The following TMEM117 variants were observed in gnomAD, a reference collection of about 807,000 sequenced individuals.
TMEM117 encodes transmembrane protein 117.
TMEM117 carries 27 observed loss-of-function variants against 52.4 expected under a neutral mutation model. The ratio of observed to expected loss-of-function variants is 0.51; its 90% CI spans 0.38 to 0.71. The LOEUF (loss-of-function observed/expected upper bound fraction) is 0.71, where lower values mean the gene tolerates loss of function less well. Among genes scored for constraint, TMEM117 ranks in the 30% least tolerant of loss-of-function variants. TMEM117 has a pLI of 0.00. For synonymous variants in TMEM117, 215 were observed against 206.3 expected (o/e 1.04, Z -0.36); for missense variants, 556 against 630.5 (o/e 0.88, Z 1.26).
chr12:43,817,231 T>G, the TMEM117 span, among the ~76,000 whole-genome samples: 1 of 152,186 alleles, frequency 6.6e-6, no homozygotes, highest in African/African-American at 2.4e-5. Context: ...TGTGGATCTC[T>G]GTCAAATGTG....
chr12:44,066,714 C>T (rs892250320), intron 3 of TMEM117, among the ~76,000 whole-genome samples: 2 of 152,122 alleles, frequency 1.3e-5, no homozygotes, highest in South Asian at 2.1e-4. Flanking sequence ...GAGCTGTCAG[C>T]GAATTGTAAT....
chr12:44,151,157 T>A (rs1483378739), intron 4 of TMEM117, among the ~76,000 whole-genome samples: 1 of 152,098 alleles, frequency 6.6e-6, no homozygotes, highest in Non-Finnish European at 1.5e-5. Flanking sequence ...AGAAAGACAT[T>A]CCCACCAGAG....
chr12:43,883,225 T>C (rs932970987), intron 2 of TMEM117, among the ~76,000 whole-genome samples: 1 of 152,222 alleles, frequency 6.6e-6, no homozygotes, highest in African/African-American at 2.4e-5. Context: ...TATTACATTT[T>C]CTCAAGAAGT....
chr12:44,027,125 TTATTTTA>T lies in TMEM117; in HGVS notation c.410+82792_410+82798del, dbSNP rs1422566587. Among the ~76,000 whole-genome samples the T allele has an allele frequency of 9.3e-5, 12 of 129,034 alleles. 1 individual carries two copies. The highest frequency in any genetic ancestry group is 3.9e-4 in the African/African-American group (12 of 30,420). The allele number at this position is 129,034 out of a possible 152,430, so 84.7% of individuals were successfully genotyped here. ...TTTTATTTTATTTTATCTTATTATT[TTATTTTA>T]TATTTTATTTTATTTTATTTTATTT... On this transcript the variant is annotated intron_variant, in intron 3 of 7. Coordinates refer to ENST00000266534, the MANE Select transcript of TMEM117 (RefSeq NM_032256.3).
At chr12:44,383,354 G>C (rs112242457) in intron 7 of TMEM117, among the ~76,000 whole-genome samples, 1 of 152,076 alleles carries the variant, frequency 6.6e-6, no homozygotes, top group Non-Finnish European at 1.5e-5. Context: ...TGCTATTTGA[G>C]GGTGATATTT....
chr12:43,977,572 AT>A (rs1945692986), intron 3 of TMEM117, among the ~76,000 whole-genome samples: 1 of 152,180 alleles, frequency 6.6e-6, no homozygotes, highest in Non-Finnish European at 1.5e-5. Context: ...GGAATTTATT[AT>A]TTAAATTTAA....
intron 3 of TMEM117, among the ~76,000 whole-genome samples, chr12:43,956,008 C>G (rs894919023): frequency 1.3e-5 from 2 of 152,142 alleles, no homozygotes; most frequent in African/African-American, 4.8e-5. Context: ...ACCATCTGAT[C>G]TTCAACAAAC....
chr12:44,202,404 A>G (rs1013587501), intron 4 of TMEM117, among the ~76,000 whole-genome samples: 4 of 134,000 alleles, frequency 3.0e-5, no homozygotes, highest in Non-Finnish European at 4.5e-5. Context: ...TCACGTGGTA[A>G]CTTTTTAATT....
intron 3 of TMEM117, among the ~76,000 whole-genome samples, chr12:44,107,305 C>T (rs1947973791): frequency 6.6e-6 from 1 of 152,080 alleles, no homozygotes; most frequent in South Asian, 2.1e-4. Flanking sequence ...TTAAAAATAA[C>T]TCCATGTATA....
intron 6 of TMEM117, among the ~76,000 whole-genome samples, chr12:44,369,311 G>T (rs1026165227): frequency 6.6e-6 from 1 of 152,172 alleles, no homozygotes; most frequent in Non-Finnish European, 1.5e-5. Flanking sequence ...TTTTCAAGGT[G>T]TCTAGGTGTA....
intron 5 of TMEM117, among the ~76,000 whole-genome samples, chr12:44,238,589 G>A (rs1271469578): frequency 2.0e-5 from 3 of 151,904 alleles, no homozygotes; most frequent in Non-Finnish European, 4.4e-5. Context: ...TGCAATTATC[G>A]TGCTTGTGAA....
At chr12:44,292,978 G>A (rs1392655835) in intron 5 of TMEM117, among the ~76,000 whole-genome samples, 1 of 151,844 alleles carries the variant, frequency 6.6e-6, no homozygotes, top group Admixed American at 6.6e-5. Context: ...TTGTTTCGTT[G>A]TTGATTTTGA....
intron 6 of TMEM117, among the ~76,000 whole-genome samples, chr12:44,312,470 A>G (rs1951002843): frequency 6.6e-6 from 1 of 152,112 alleles, no homozygotes; most frequent in South Asian, 2.1e-4. Flanking sequence ...GTAATATTCC[A>G]GGGTGTACAT....
chr12:44,226,423 C>T (rs1280181054), intron 5 of TMEM117, among the ~76,000 whole-genome samples: 4 of 152,084 alleles, frequency 2.6e-5, no homozygotes, highest in African/African-American at 9.7e-5. Context: ...GGTTCAGTAT[C>T]ATAGCTTCTC....
chr12:44,364,722 G>C, intron 6 of TMEM117, among the ~76,000 whole-genome samples: 1 of 152,122 alleles, frequency 6.6e-6, no homozygotes, highest in Middle Eastern at 3.4e-3. Context: ...TAGTTTGTTA[G>C]GTTTCTATGC....
At chr12:44,182,836 C>A (rs1949223330) in intron 4 of TMEM117, among the ~76,000 whole-genome samples, 1 of 152,086 alleles carries the variant, frequency 6.6e-6, no homozygotes. Flanking sequence ...ATCTTGTATG[C>A]AGAAATAACT....
the TMEM117 span, among the ~76,000 whole-genome samples, chr12:44,395,527 T>C: frequency 6.6e-6 from 1 of 152,240 alleles, no homozygotes; most frequent in East Asian, 1.9e-4. Context: ...TGGCCAGTTA[T>C]TGCCCAGCAG....
At chr12:44,247,337 G>A (rs1326601696) in intron 5 of TMEM117, among the ~76,000 whole-genome samples, 3 of 152,166 alleles carry the variant, frequency 2.0e-5, no homozygotes, top group Non-Finnish European at 2.9e-5. Context: ...ATTTCAGGGG[G>A]AGATAGCAAC....
chr12:44,241,397 T>TAA (rs149678459), intron 5 of TMEM117, among the ~76,000 whole-genome samples: 6,955 of 151,866 alleles, frequency 0.046, 538 homozygotes, highest in African/African-American at 0.16. Context: ...TAAAAAGACA[T>TAA]AGTGATTCCT....
Sources: allele counts gnomAD v4.1 joint callset (sites outside exome capture counted in the v4.1 genomes callset), GRCh38; gene constraint gnomAD v4.1.1; transcripts MANE v1.5; gene names NCBI Gene and HGNC (gene_info 2026-07-23, HGNC 2026-07-21).